ZNF804A: variants seen among roughly 807,000 people sequenced by gnomAD.
The protein encoded by ZNF804A is zinc finger protein 804A.
A neutral mutation model predicts 16.5 loss-of-function variants in ZNF804A; 2 were observed. That is an observed-to-expected ratio of 0.12 (90% CI 0.05 to 0.38). The LOEUF (loss-of-function observed/expected upper bound fraction) is 0.38. Among genes scored for constraint, ZNF804A ranks in the 10% least tolerant of loss-of-function variants. ZNF804A has a pLI of 0.99. For missense variants in ZNF804A, 1,473 were observed against 1,390.7 expected, an observed-to-expected ratio of 1.06 and a Z score of -0.94; for synonymous variants, 534 against 489.6, an observed-to-expected ratio of 1.09 and a Z score of -1.20.
chr2:184,684,232 A>G (rs1046103700), intron 1 of ZNF804A, among the ~76,000 whole-genome samples: 24 of 152,202 alleles, frequency 1.6e-4, no homozygotes, highest in African/African-American at 5.8e-4. Context: ...GTACATAAAC[A>G]CGGACATTTA....
chr2:184,746,295 T>C (rs2105755598), intron 1 of ZNF804A, among the ~76,000 whole-genome samples: 1 of 151,590 alleles, frequency 6.6e-6, no homozygotes, highest in South Asian at 2.1e-4. Flanking sequence ...CTTCTAAGTG[T>C]ATTTTTGGAC....
At position 184,870,308 on chromosome 2, in the gene ZNF804A, G is replaced by A. The variant is rs73043279; in HGVS notation, c.255+3796G>A. Among the ~76,000 whole-genome samples, 1,141 of 152,052 alleles carry A rather than the reference G, an allele frequency of 7.5e-3. 11 individuals carry two copies. Among genetic ancestry groups the A allele is most frequent in the African/African-American group, 0.026 (1,086 of 41,502 alleles). On this transcript the variant is annotated intron_variant, in intron 2 of 3. Transcript: ENST00000302277. Reference sequence around the variant, plus strand: ...GATGAATATGACACTCAGGATAGTGGTTACTTCAAGGGGTGATGTAGGGTG... The same window carrying A: ...GATGAATATGACACTCAGGATAGTGATTACTTCAAGGGGTGATGTAGGGTG...
intron 1 of ZNF804A, among the ~76,000 whole-genome samples, chr2:184,864,176 G>A (rs1695840430): frequency 6.6e-6 from 1 of 152,128 alleles, no homozygotes; most frequent in Non-Finnish European, 1.5e-5. Flanking sequence ...GAGGGCCTCA[G>A]GCTGCTTCCA....
chr2:184,832,507 T>G (rs1235788138), intron 1 of ZNF804A, among the ~76,000 whole-genome samples: 2 of 152,036 alleles, frequency 1.3e-5, no homozygotes, highest in Non-Finnish European at 2.9e-5. Context: ...TCATTAAAAC[T>G]GTTCTGGCCT....
At chr2:184,794,848 C>A (rs1009699423) in intron 1 of ZNF804A, among the ~76,000 whole-genome samples, 1 of 151,210 alleles carries the variant, frequency 6.6e-6, no homozygotes, top group South Asian at 2.1e-4. Context: ...AGTGAGCAGG[C>A]CTTTTCTAAC....
At chr2:184,678,199 T>A (rs1184999042) in intron 1 of ZNF804A, among the ~76,000 whole-genome samples, 3 of 152,076 alleles carry the variant, frequency 2.0e-5, no homozygotes, top group Non-Finnish European at 4.4e-5. Context: ...ACAGTGTAAG[T>A]GATTATATAT....
chr2:184,656,803 C>T (rs911428249), intron 1 of ZNF804A, among the ~76,000 whole-genome samples: 4 of 151,422 alleles, frequency 2.6e-5, no homozygotes, highest in African/African-American at 9.7e-5. Flanking sequence ...TTCCAGTGTC[C>T]CTTCTGTTTA....
chr2:184,861,716 C>T (rs767135293), intron 1 of ZNF804A, among the ~76,000 whole-genome samples: 23 of 152,084 alleles, frequency 1.5e-4, no homozygotes, highest in Non-Finnish European at 3.2e-4. Flanking sequence ...CTATGAATTG[C>T]GTCATGTTGG....
chr2:184,687,259 C>A (rs1435797700), intron 1 of ZNF804A, among the ~76,000 whole-genome samples: 1 of 152,214 alleles, frequency 6.6e-6, no homozygotes, highest in Non-Finnish European at 1.5e-5. Context: ...GTTATCCCAG[C>A]ACTATTTATT....
At chr2:184,914,518 A>G (rs1050732696) in intron 2 of ZNF804A, among the ~76,000 whole-genome samples, 1 of 152,166 alleles carries the variant, frequency 6.6e-6, no homozygotes, top group African/African-American at 2.4e-5. Flanking sequence ...TGTAAACATA[A>G]CTTACAAATC....
intron 1 of ZNF804A, among the ~76,000 whole-genome samples, chr2:184,854,952 A>T (rs574376018): frequency 1.4e-4 from 22 of 152,036 alleles, no homozygotes; most frequent in Non-Finnish European, 2.4e-4. Flanking sequence ...ACATTAATTT[A>T]AAAAAAATGT....
intron 1 of ZNF804A, among the ~76,000 whole-genome samples, chr2:184,744,008 T>C (rs531451853): frequency 1.3e-5 from 2 of 152,090 alleles, no homozygotes; most frequent in East Asian, 3.9e-4. Context: ...CATATGGTAA[T>C]ATCTTATTTT....
At chr2:184,680,267 C>T (rs1692516905) in intron 1 of ZNF804A, among the ~76,000 whole-genome samples, 1 of 151,320 alleles carries the variant, frequency 6.6e-6, no homozygotes, top group Admixed American at 6.6e-5. Context: ...CTCCTCTCTG[C>T]TGAGAGCTGA....
chr2:184,811,715 C>A (rs536037420), intron 1 of ZNF804A, among the ~76,000 whole-genome samples: 1 of 152,030 alleles, frequency 6.6e-6, no homozygotes, highest in African/African-American at 2.4e-5. Context: ...CATAGTGAGA[C>A]ACTATCTCCA....
chr2:184,883,596 T>C (rs952677078), intron 2 of ZNF804A, among the ~76,000 whole-genome samples: 4 of 152,040 alleles, frequency 2.6e-5, no homozygotes, highest in Non-Finnish European at 5.9e-5. Flanking sequence ...AAAAAGCTAA[T>C]CCACCACAAT....
At chr2:184,612,039 T>C (rs193109936) in intron 1 of ZNF804A, among the ~76,000 whole-genome samples, 263 of 152,308 alleles carry the variant, frequency 1.7e-3, no homozygotes, top group African/African-American at 5.8e-3. Context: ...AAACCTTTTA[T>C]GATTCTTAAT....
chr2:184,750,800 T>G (rs1489563966), intron 1 of ZNF804A, among the ~76,000 whole-genome samples: 1 of 151,296 alleles, frequency 6.6e-6, no homozygotes, highest in East Asian at 1.9e-4. Context: ...TAACCAAAAC[T>G]TTGTCTTTTG....
chr2:184,738,836 A>G (rs1693672350), intron 1 of ZNF804A, among the ~76,000 whole-genome samples: 1 of 152,252 alleles, frequency 6.6e-6, no homozygotes, highest in Admixed American at 6.5e-5. Flanking sequence ...GAGGAAGTTG[A>G]GCTTATTCTA....
At chr2:184,653,814 T>C (rs1361190497) in intron 1 of ZNF804A, among the ~76,000 whole-genome samples, 1 of 152,196 alleles carries the variant, frequency 6.6e-6, no homozygotes, top group African/African-American at 2.4e-5. Flanking sequence ...GCTTTTAATG[T>C]CCATGCCCAT....
Sources: allele counts gnomAD v4.1 joint callset (sites outside exome capture counted in the v4.1 genomes callset), GRCh38; gene constraint gnomAD v4.1.1; transcripts MANE v1.5; gene names NCBI Gene and HGNC (gene_info 2026-07-23, HGNC 2026-07-21).